Variants in CLIC4 observed in about 807,000 individuals in gnomAD.
The protein encoded by CLIC4 is chloride intracellular channel protein 4.
Under a neutral mutation model 24.6 loss-of-function variants are expected in CLIC4, and 13 were observed. The ratio of observed to expected loss-of-function variants is 0.53; its 90% CI spans 0.34 to 0.84. The LOEUF (loss-of-function observed/expected upper bound fraction) is 0.84, where lower values mean the gene tolerates loss of function less well. Ranked by LOEUF, CLIC4 falls within the 40% of genes least tolerant of loss-of-function variation. The pLI, the probability that CLIC4 is intolerant of heterozygous loss-of-function variation, is 0.01. For synonymous variants in CLIC4, 104 were observed against 111.3 expected (o/e 0.93, Z 0.41); for missense variants, 227 against 301.7 (o/e 0.75, Z 1.83).
chr1:24,818,295 TG>T (rs777010667), intron 3 of CLIC4, among the ~76,000 whole-genome samples: 21 of 152,148 alleles, frequency 1.4e-4, no homozygotes, highest in Non-Finnish European at 2.2e-4. Flanking sequence ...TTGTTTGTTT[TG>T]TTTTTTTTGA....
Position 24,814,144 on chromosome 1 carries a change from T to G in CLIC4, c.233T>G (p.Ile78Arg). Residue 78 changes from isoleucine (I) to arginine (R), a missense_variant, in exon 3 of 6, where the codon ATA (isoleucine) becomes AGA (arginine). Coordinates refer to ENST00000374379, the MANE Select transcript of CLIC4 (RefSeq NM_013943.3). ...GCTCCCGGGACCCACCCACCATTTATAACTTTCAACAGTGAAGTCAAAACG... is the reference window on the plus strand; with the variant it reads ...GCTCCCGGGACCCACCCACCATTTAGAACTTTCAACAGTGAAGTCAAAACG... ...NLAPGTHPPF[I>R]TFNSEVKTDV... The G allele has an allele frequency of 6.2e-7, 1 of 1,614,156 alleles. No individual in the cohort carries two copies. The highest frequency in any genetic ancestry group is 8.5e-7 in the Non-Finnish European group (1 of 1,180,016).
chr1:24,823,676 A>C (rs1428262715), intron 3 of CLIC4, among the ~76,000 whole-genome samples: 4 of 149,638 alleles, frequency 2.7e-5, no homozygotes, highest in South Asian at 4.3e-4. Flanking sequence ...TGGGAGGCTG[A>C]GGCAGGAGAA....
At chr1:24,797,009 C>A (rs887761492) in intron 1 of CLIC4, among the ~76,000 whole-genome samples, 1 of 150,030 alleles carries the variant, frequency 6.7e-6, no homozygotes, top group Non-Finnish European at 1.5e-5. Flanking sequence ...GGCTGGAGTG[C>A]ATGGCACGAT....
intron 1 of CLIC4, among the ~76,000 whole-genome samples, chr1:24,748,773 A>G (rs1204587609): frequency 6.6e-6 from 1 of 152,076 alleles, no homozygotes; most frequent in Non-Finnish European, 1.5e-5. Flanking sequence ...TGCTGGGATT[A>G]CAGGCTTGAG....
intron 1 of CLIC4, among the ~76,000 whole-genome samples, chr1:24,785,854 C>CAAAAAAAAAA (rs61009244): frequency 2.2e-4 from 13 of 58,860 alleles, no homozygotes; most frequent in East Asian, 5.0e-4. Flanking sequence ...GACTACAACT[C>CAAAAAAAAAA]AAAAAAAAAA....
At chr1:24,774,559 T>C in intron 1 of CLIC4, among the ~76,000 whole-genome samples, 1 of 151,720 alleles carries the variant, frequency 6.6e-6, no homozygotes, top group Admixed American at 6.6e-5. Context: ...TTTGGGAGGC[T>C]GAAGTGGAAG....
chr1:24,802,093 T>C (rs1399796943), intron 2 of CLIC4, among the ~76,000 whole-genome samples: 1 of 152,240 alleles, frequency 6.6e-6, no homozygotes, highest in Non-Finnish European at 1.5e-5. Context: ...TATTCCATTT[T>C]TGGCTTGGAG....
intron 3 of CLIC4, among the ~76,000 whole-genome samples, chr1:24,823,642 C>T (rs984185961): frequency 1.1e-4 from 16 of 152,018 alleles, no homozygotes; most frequent in Middle Eastern, 3.4e-3. Context: ...GGCGTGGTGA[C>T]GGGCGCCTGT....
intron 3 of CLIC4, among the ~76,000 whole-genome samples, chr1:24,825,718 A>C (rs1055102775): frequency 1.3e-5 from 2 of 152,226 alleles, no homozygotes; most frequent in South Asian, 4.1e-4. Flanking sequence ...TATTTAGAAG[A>C]TATATCTCTT....
intron 1 of CLIC4, among the ~76,000 whole-genome samples, chr1:24,760,542 C>G: frequency 6.6e-6 from 1 of 152,086 alleles, no homozygotes. Context: ...TAAACATGCT[C>G]TGCACTTCTC....
intron 1 of CLIC4, among the ~76,000 whole-genome samples, chr1:24,778,765 C>T (rs7553761): frequency 0.032 from 4,838 of 152,248 alleles, 291 homozygotes; most frequent in African/African-American, 0.11. Context: ...TCGTTTTCAT[C>T]ATGGGTCTAT....
At position 24,843,749 on chromosome 1, in the gene CLIC4, A is replaced by C. The variant is rs1571272153; in HGVS notation, c.*2812A>C. 1 of 152,774 alleles carries C rather than the reference A, an allele frequency of 6.5e-6. No homozygotes were observed. The highest frequency in any genetic ancestry group is 1.9e-4 in the East Asian group (1 of 5,190). 9.5% of individuals were successfully genotyped at this position (152,774 alleles called of 1,614,324 possible). A position where few individuals can be genotyped will look rare whatever the true frequency, so the allele number is the denominator to read the frequency against. On this transcript the variant is annotated 3_prime_UTR_variant, in exon 6 of 6. Coordinates refer to ENST00000374379, the MANE Select transcript of CLIC4 (RefSeq NM_013943.3). ...GATTTCTGACATTTATTCTTACACT[A>C]AATGGATCAACTCTAGGATTTAGGC... is the stretch of plus-strand genomic sequence containing the variant.
intron 4 of CLIC4, among the ~76,000 whole-genome samples, chr1:24,829,756 C>T (rs1434071594): frequency 1.3e-5 from 2 of 152,130 alleles, no homozygotes; most frequent in African/African-American, 4.8e-5. Context: ...CTGATTAGTT[C>T]CTTTTTATTC....
At chr1:24,773,423 G>A (rs1639095792) in intron 1 of CLIC4, among the ~76,000 whole-genome samples, 1 of 152,048 alleles carries the variant, frequency 6.6e-6, no homozygotes, top group African/African-American at 2.4e-5. Context: ...TACCCTTAAG[G>A]AAAGTGGGTT....
intron 1 of CLIC4, among the ~76,000 whole-genome samples, chr1:24,757,245 G>T (rs1557794451): frequency 1.3e-5 from 2 of 152,212 alleles, no homozygotes; most frequent in East Asian, 3.9e-4. Context: ...TGGGTAGGCT[G>T]ATCTTGAACT....
chr1:24,815,737 A>G (rs1432034613), intron 3 of CLIC4, among the ~76,000 whole-genome samples: 1 of 152,220 alleles, frequency 6.6e-6, no homozygotes, highest in East Asian at 1.9e-4. Context: ...AGTGTTTGAT[A>G]GCATTTAAAA....
chr1:24,746,061 C>T (rs1301146841), intron 1 of CLIC4, among the ~76,000 whole-genome samples: 11 of 151,942 alleles, frequency 7.2e-5, no homozygotes, highest in Non-Finnish European at 1.3e-4. Flanking sequence ...CGGCCCGCCG[C>T]CCGATGAGCT....
chr1:24,782,385 T>G (rs1639215163), intron 1 of CLIC4, among the ~76,000 whole-genome samples: 1 of 152,232 alleles, frequency 6.6e-6, no homozygotes, highest in Non-Finnish European at 1.5e-5. Context: ...TCTGAAATTC[T>G]TAAGTGATTC....
intron 2 of CLIC4, among the ~76,000 whole-genome samples, chr1:24,805,199 TA>T (rs1639537620): frequency 6.6e-6 from 1 of 150,566 alleles, no homozygotes; most frequent in Non-Finnish European, 1.5e-5. Flanking sequence ...AGATTGACAA[TA>T]AAATTGACAT....
Sources: allele counts gnomAD v4.1 joint callset (sites outside exome capture counted in the v4.1 genomes callset), GRCh38; gene constraint gnomAD v4.1.1; transcripts MANE v1.5; gene names NCBI Gene and HGNC (gene_info 2026-07-23, HGNC 2026-07-21).